RBFOX3: variants seen among roughly 807,000 people sequenced by gnomAD.
The protein encoded by RBFOX3 is RNA binding fox-1 homolog 3.
RBFOX3 carries 17 observed loss-of-function variants against 48.7 expected under a neutral mutation model. The ratio of observed to expected loss-of-function variants is 0.35; its 90% CI spans 0.24 to 0.52. The LOEUF (loss-of-function observed/expected upper bound fraction) is 0.52. Among genes scored for constraint, RBFOX3 ranks in the 20% least tolerant of loss-of-function variants. The pLI, the probability that RBFOX3 is intolerant of heterozygous loss-of-function variation, is 0.94. For missense variants in RBFOX3, 382 were observed against 497.5 expected (o/e 0.77, Z 2.21); for synonymous variants, 212 against 209.5 (o/e 1.01, Z -0.10).
chr17:79,210,868 T>C (rs2058288299), intron 4 of RBFOX3, among the ~76,000 whole-genome samples: 1 of 150,290 alleles, frequency 6.7e-6, no homozygotes, highest in Admixed American at 6.7e-5. Context: ...ATCTCAGTCC[T>C]GGTCTCCTCT....
chr17:79,495,902 G>T (rs1398367041), intron 1 of RBFOX3, among the ~76,000 whole-genome samples: 2 of 151,874 alleles, frequency 1.3e-5, no homozygotes, highest in Non-Finnish European at 2.9e-5. Flanking sequence ...CCGGGACCCT[G>T]CAGGCCTCCA....
chr17:79,215,325 C>T (rs905412694), intron 4 of RBFOX3, among the ~76,000 whole-genome samples: 1 of 152,228 alleles, frequency 6.6e-6, no homozygotes, highest in Non-Finnish European at 1.5e-5. Flanking sequence ...ACCAAAGAGT[C>T]ACACTGGTTT....
chr17:79,290,396 C>T (rs2073014309), intron 3 of RBFOX3, among the ~76,000 whole-genome samples: 1 of 152,220 alleles, frequency 6.6e-6, no homozygotes, highest in East Asian at 1.9e-4. Flanking sequence ...TCATTTTCCC[C>T]ATCTGGAAAG....
chr17:79,627,299 C>T, the RBFOX3 span, among the ~76,000 whole-genome samples: 1 of 152,192 alleles, frequency 6.6e-6, no homozygotes, highest in Non-Finnish European at 1.5e-5. Flanking sequence ...GCTTCCCCCA[C>T]CCCCTGGAGT....
chr17:79,543,829 C>T (rs1177339673), intron 1 of RBFOX3, among the ~76,000 whole-genome samples: 27 of 150,972 alleles, frequency 1.8e-4, no homozygotes, highest in Non-Finnish European at 2.4e-4. Context: ...AGGAAAGACA[C>T]AGCCAGGGTG....
chr17:79,156,417 G>A (rs971768611), intron 4 of RBFOX3, among the ~76,000 whole-genome samples: 2 of 152,160 alleles, frequency 1.3e-5, no homozygotes, highest in Non-Finnish European at 2.9e-5. Flanking sequence ...TGACCCCAGA[G>A]GCCTGGCAGC....
intron 4 of RBFOX3, chr17:79,183,199 T>C (rs1190414827): frequency 4.8e-5 from 7 of 146,726 alleles, no homozygotes; most frequent in Non-Finnish European, 9.1e-5. Context: ...GTGCGGGGCG[T>C]GGGCGGCAGC....
chr17:79,248,859 T>C (rs1567913984), intron 3 of RBFOX3, among the ~76,000 whole-genome samples: 2 of 152,180 alleles, frequency 1.3e-5, no homozygotes. Context: ...ACCAGCAAGC[T>C]CCAGCTCCGC....
At chr17:79,598,179 C>G (rs1306640092) in intron 1 of RBFOX3, 1 of 152,302 alleles carries the variant, frequency 6.6e-6, no homozygotes, top group Non-Finnish European at 1.5e-5. Flanking sequence ...GCGCTGCCTG[C>G]TGGAGGGTGA....
chr17:79,657,541 TG>T, the RBFOX3 span, among the ~76,000 whole-genome samples: 1 of 152,182 alleles, frequency 6.6e-6, no homozygotes, highest in Non-Finnish European at 1.5e-5. Flanking sequence ...TAGCCAAGCA[TG>T]GTGGCAGGCA....
In RBFOX3 at chr17:79,101,596, G is replaced by A. The variant is rs372072435; in HGVS notation, c.556C>T (p.Pro186Ser). Residue 186 changes from proline (P) to serine (S), a missense_variant, in exon 9 of 15, where the codon CCC becomes TCC. This residue lies in a region of RBFOX3 where 215 missense variants were observed against 254.8 expected (regional missense o/e 0.84). Transcript: ENST00000693108. Reference sequence around the variant, plus strand: ...CCCAGCCCCTTACCGTTGGTGTAGGGGTTCCCCGTCTTCTTGTTGGTCATC... The same window carrying A: ...CCCAGCCCCTTACCGTTGGTGTAGGAGTTCCCCGTCTTCTTGTTGGTCATC... ...RVMTNKKTGN[P>S]YTNGWKLNPV... 7.1e-6 allele frequency: 11 copies of A among 1,551,204 alleles called. No individual in the cohort carries two copies. The highest frequency in any genetic ancestry group is 2.0e-5 in the Admixed American group (1 of 51,006).
In RBFOX3 at chr17:79,243,056, T is replaced by C. The variant is rs1014027909; in HGVS notation, c.-73-7251A>G. Among the ~76,000 whole-genome samples, 12 of 152,086 alleles carry C rather than the reference T, an allele frequency of 7.9e-5. No homozygotes were observed. Among genetic ancestry groups the C allele is most frequent in the Admixed American group, 2.0e-4 (3 of 15,262 alleles). On this transcript the variant is annotated intron_variant, in intron 3 of 14. Transcript: ENST00000693108. This position sits in a 1 kb window ranked among gnomAD's most constrained non-coding sequence, Gnocchi z 7.9. ...ACTGTGTTTTTCTGGGGTTATGCCA[T>C]TGATGATGTCATTTCAGCTTTACAA...
In RBFOX3 at chr17:79,503,410, G is replaced by C. The variant is rs1028506805; in HGVS notation, c.-319-20812C>G. On this transcript the variant is annotated intron_variant, in intron 1 of 14. Transcript: ENST00000693108. ...TCTAGGAGCCATATTTTAAAAAATTGAAAACAAGCAAAAGTAATTTTCATG... is the reference window on the plus strand; with the variant it reads ...TCTAGGAGCCATATTTTAAAAAATTCAAAACAAGCAAAAGTAATTTTCATG... 2.0e-5 allele frequency among the ~76,000 whole-genome samples: 3 copies of C among 152,302 alleles called. No homozygotes were observed. The East Asian group carries it at 5.8e-4, about 29-fold the overall frequency.
At chr17:79,648,978 CTTTTT>C in the RBFOX3 span, among the ~76,000 whole-genome samples, 2 of 133,222 alleles carry the variant, frequency 1.5e-5, no homozygotes, top group African/African-American at 2.8e-5. Context: ...TGAAAAATGT[CTTTTT>C]TTTTTTTTTT....
chr17:79,469,345 C>A (rs2149360165), intron 2 of RBFOX3, among the ~76,000 whole-genome samples: 1 of 152,334 alleles, frequency 6.6e-6, no homozygotes, highest in East Asian at 1.9e-4. Context: ...AGCACTGGGG[C>A]CCCTTGGCCG....
At chr17:79,611,169 T>TCTCTCTCTCTCTCTCTCTCTCTCTCTCG, upstream of RBFOX3, among the ~76,000 whole-genome samples, 303 of 25,906 alleles carry the variant, frequency 0.012, 93 homozygotes, top group Admixed American at 0.019. Flanking sequence ...TCTCTCTCTC[T>TCTCTCTCTCTCTCTCTCTCTCTCTCTCG]CTCTCCGCCC....
chr17:79,611,183 T>TCTCTCTCTCTCTCTCTCTCTCTC (rs2093965331), upstream of RBFOX3, among the ~76,000 whole-genome samples: 1 of 41,492 alleles, frequency 2.4e-5, no homozygotes, highest in African/African-American at 2.6e-4. Flanking sequence ...TCCGCCCTCC[T>TCTCTCTCTCTCTCTCTCTCTCTC]TCTCTCTCTC....
chr17:79,288,058 A>G (rs1206872955), intron 3 of RBFOX3, among the ~76,000 whole-genome samples: 2 of 152,104 alleles, frequency 1.3e-5, no homozygotes, highest in Non-Finnish European at 2.9e-5. Context: ...GCTCTGCCCC[A>G]GAACCCTCCA....
At position 79,558,543 on chromosome 17, in the gene RBFOX3, A is replaced by G. The variant is rs982264199; in HGVS notation, c.-320+52283T>C. 1.5e-4 allele frequency among the ~76,000 whole-genome samples: 23 copies of G among 151,772 alleles called. 1 individual carries two copies. In the South Asian group the frequency reaches 4.2e-3, roughly 28 times the overall value. ...GGCTGCCCAGGAGGGAGGCAAGACCACAGTCAGGACCAGCCCTCCAAGGTG... is the reference window on the plus strand; with the variant it reads ...GGCTGCCCAGGAGGGAGGCAAGACCGCAGTCAGGACCAGCCCTCCAAGGTG... On this transcript the variant is annotated intron_variant, in intron 1 of 14. Transcript: ENST00000693108.
Sources: gnomAD v4.1 joint callset for allele counts (sites outside exome capture counted in the v4.1 genomes callset) on GRCh38, gnomAD v4.1.1 for gene constraint, gnomAD v4.1.1 regional missense constraint, Gnocchi (gnomAD v3.1) non-coding constraint, MANE v1.5 for transcripts, NCBI Gene and HGNC (gene_info 2026-07-23, HGNC 2026-07-21) for gene names.